Variants in ARIH1 observed in about 807,000 individuals in gnomAD.
The protein encoded by ARIH1 is E3 ubiquitin-protein ligase ARIH1.
Under a neutral mutation model 85.0 loss-of-function variants are expected in ARIH1, and 8 were observed. The ratio of observed to expected loss-of-function variants is 0.09; its 90% CI spans 0.06 to 0.17. ARIH1 has a LOEUF of 0.17. Ranked by LOEUF, ARIH1 falls within the 10% of genes least tolerant of loss-of-function variation. The pLI is 1.00. For synonymous variants in ARIH1, 238 were observed against 253.6 expected (o/e 0.94, Z 0.59); for missense variants, 311 against 718.1 (o/e 0.43, Z 6.48).
chr15:72,539,238 C>T (rs1005413437), intron 2 of ARIH1, among the ~76,000 whole-genome samples: 2 of 152,102 alleles, frequency 1.3e-5, no homozygotes, highest in Non-Finnish European at 2.9e-5. Flanking sequence ...GAAGGAACTT[C>T]CAGATAGTGC....
intron 1 of ARIH1, among the ~76,000 whole-genome samples, chr15:72,500,404 T>C (rs2063897946): frequency 1.3e-5 from 2 of 152,220 alleles, no homozygotes; most frequent in African/African-American, 4.8e-5. Flanking sequence ...TTTATTTATT[T>C]ATTTTTTAAG....
chr15:72,562,324 C>T (rs993910936), intron 6 of ARIH1, among the ~76,000 whole-genome samples: 1 of 152,164 alleles, frequency 6.6e-6, no homozygotes, highest in African/African-American at 2.4e-5. Flanking sequence ...GCCTGCAAAA[C>T]CAAAATTCTT....
chr15:72,501,597 G>C (rs1037583741), intron 1 of ARIH1, among the ~76,000 whole-genome samples: 1 of 152,186 alleles, frequency 6.6e-6, no homozygotes, highest in Non-Finnish European at 1.5e-5. Context: ...TCACGCGAAT[G>C]TTTTGCTTGT....
intron 1 of ARIH1, 86 bp from the exon 2 acceptor site, chr15:72,517,981 G>A (rs2063982682): frequency 4.2e-6 from 4 of 941,194 alleles, no homozygotes; most frequent in Non-Finnish European, 6.6e-6. Context: ...GGAGTATTGT[G>A]GAAATTTAAC....
At chr15:72,578,669 T>A (rs1199114271) in intron 11 of ARIH1, among the ~76,000 whole-genome samples, 1 of 152,198 alleles carries the variant, frequency 6.6e-6, no homozygotes, top group Non-Finnish European at 1.5e-5. Flanking sequence ...TTGAAAAAAA[T>A]CCACATATAA....
rs1426209705 is a variant in ARIH1, at chr15:72,587,883, T to C, written c.*4591T>C. 1 of 152,218 alleles carries C rather than the reference T, an allele frequency of 6.6e-6. No homozygotes were observed. The highest frequency in any genetic ancestry group is 1.9e-4 in the East Asian group (1 of 5,200). The allele number at this position is 152,218 out of a possible 1,614,324, so 9.4% of individuals were successfully genotyped here. A position where few individuals can be genotyped will look rare whatever the true frequency, so the allele number is the denominator to read the frequency against. ...TTGAGTCCAATTTTTAAGGCAACTA[T>C]TGTTGACCTTTCTCTAGGCGGTAGC... On this transcript the variant is annotated 3_prime_UTR_variant, in exon 14 of 14. Coordinates refer to ENST00000379887, the MANE Select transcript of ARIH1 (RefSeq NM_005744.5).
chr15:72,557,892 G>A (rs558255177), intron 5 of ARIH1, among the ~76,000 whole-genome samples: 6 of 152,252 alleles, frequency 3.9e-5, no homozygotes, highest in African/African-American at 1.2e-4. Context: ...TTTGTACATT[G>A]ATTTTGTATC....
chr15:72,561,724 G>A (rs965020607), intron 6 of ARIH1, among the ~76,000 whole-genome samples, 175 bp downstream of exon 6: 4 of 152,232 alleles, frequency 2.6e-5, no homozygotes, highest in African/African-American at 9.6e-5. Flanking sequence ...GCTCATGCCT[G>A]TAATCCCAGC....
intron 3 of ARIH1, among the ~76,000 whole-genome samples, chr15:72,551,371 G>A (rs1595867756): frequency 6.6e-6 from 1 of 152,200 alleles, no homozygotes; most frequent in East Asian, 1.9e-4. Context: ...AGACAGAGCG[G>A]TGGAACAGGA....
At position 72,504,247 on chromosome 15, in the gene ARIH1, G is replaced by A. The variant is rs143424066; in HGVS notation, c.376-13820G>A. On this transcript the variant is annotated intron_variant, in intron 1 of 13. Transcript: ENST00000379887. ...TTTTTGTATTTTTAGTAGAGATGGC[G>A]TTTTGCCATGTTGGCCAGGCTGGAC... 3.1e-3 allele frequency among the ~76,000 whole-genome samples: 476 copies of A among 152,198 alleles called. 3 individuals are homozygous for A. The highest frequency in any genetic ancestry group is 0.01 in the Middle Eastern group (3 of 294).
intron 1 of ARIH1, among the ~76,000 whole-genome samples, chr15:72,516,056 T>TA (rs1317998889): frequency 6.6e-6 from 1 of 152,222 alleles, no homozygotes; most frequent in Non-Finnish European, 1.5e-5. Flanking sequence ...TAACAAAACT[T>TA]ACCATAGTTA....
At chr15:72,534,577 C>T (rs1459620474) in intron 2 of ARIH1, among the ~76,000 whole-genome samples, 2 of 152,184 alleles carry the variant, frequency 1.3e-5, no homozygotes, top group Non-Finnish European at 2.9e-5. Flanking sequence ...TACAAGTAAA[C>T]TTACATTTTG....
intron 5 of ARIH1, among the ~76,000 whole-genome samples, chr15:72,557,239 C>A (rs760107634): frequency 2.2e-4 from 33 of 151,378 alleles, no homozygotes; most frequent in Non-Finnish European, 4.4e-4. Flanking sequence ...TTTTTTTGTA[C>A]CTGTTGGCTG....
At chr15:72,503,571 T>G (rs1270184676) in intron 1 of ARIH1, among the ~76,000 whole-genome samples, 1 of 152,190 alleles carries the variant, frequency 6.6e-6, no homozygotes, top group African/African-American at 2.4e-5. Context: ...ACTAAGCATC[T>G]AATTCCTTTT....
At chr15:72,551,443 G>T (rs112608568) in intron 3 of ARIH1, among the ~76,000 whole-genome samples, 1,628 of 152,030 alleles carry the variant, frequency 0.011, 26 homozygotes, top group African/African-American at 0.038. Flanking sequence ...CAAATAAGGT[G>T]TATTATTTGA....
chr15:72,533,166 T>C (rs766667336), intron 2 of ARIH1, among the ~76,000 whole-genome samples: 16 of 152,184 alleles, frequency 1.1e-4, no homozygotes, highest in South Asian at 2.1e-4. Context: ...TCTTGCTCTG[T>C]CTCCCAGGCT....
At position 72,599,826 on chromosome 15, in the gene ARIH1, A is replaced by C. The variant is rs1031555985; in HGVS notation, c.*16534A>C. Reference sequence around the variant, plus strand: ...CCATGTTTCCAGTATTTTTTCTCACAAACAATGCAGTATTATGCCTTTGTC... The same window carrying C: ...CCATGTTTCCAGTATTTTTTCTCACCAACAATGCAGTATTATGCCTTTGTC... On this transcript the variant is annotated 3_prime_UTR_variant, in exon 14 of 14. Transcript: ENST00000379887. 6.6e-6 allele frequency: 1 copy of C among 152,216 alleles called. No individual in the cohort carries two copies. The highest frequency in any genetic ancestry group is 1.5e-5 in the Non-Finnish European group (1 of 68,038). 9.4% of individuals were successfully genotyped at this position (152,216 alleles called of 1,614,324 possible). A position where few individuals can be genotyped will look rare whatever the true frequency, so the allele number is the denominator to read the frequency against.
chr15:72,580,567 T>C, intron 11 of ARIH1, 164 bp from the exon 12 acceptor site: 1 of 662,816 alleles, frequency 1.5e-6, no homozygotes, highest in Non-Finnish European at 2.5e-6. Context: ...ATCAAGAGTC[T>C]CCTTCTTTCT....
chr15:72,531,156 C>G (rs1350376919), intron 2 of ARIH1, among the ~76,000 whole-genome samples: 1 of 152,182 alleles, frequency 6.6e-6, no homozygotes, highest in Non-Finnish European at 1.5e-5. Context: ...GAAATTTTGA[C>G]TCGTGAAAAA....
Sources: allele counts gnomAD v4.1 joint callset (sites outside exome capture counted in the v4.1 genomes callset), GRCh38; gene constraint gnomAD v4.1.1; transcripts MANE v1.5; gene names NCBI Gene and HGNC (gene_info 2026-07-23, HGNC 2026-07-21).